CADM2: variants seen among roughly 807,000 people sequenced by gnomAD.
CADM2 encodes the protein cell adhesion molecule 2.
CADM2 carries 12 observed loss-of-function variants against 49.8 expected under a neutral mutation model. The observed-to-expected ratio is 0.24, with a 90% CI of 0.15 to 0.39. The LOEUF (loss-of-function observed/expected upper bound fraction) is 0.39, where lower values mean the gene tolerates loss of function less well. Among genes scored for constraint, CADM2 ranks in the 10% least tolerant of loss-of-function variants. The pLI is 1.00. For missense variants in CADM2, 378 were observed against 492.3 expected (o/e 0.77, Z 2.20); for synonymous variants, 214 against 175.4 (o/e 1.22, Z -1.74).
intron 1 of CADM2, among the ~76,000 whole-genome samples, chr3:84,976,775 G>A (rs1442734350): frequency 6.6e-6 from 1 of 151,768 alleles, no homozygotes; most frequent in Non-Finnish European, 1.5e-5. Context: ...AGGCAATGTA[G>A]CATAGCCACT....
chr3:85,047,196 TA>T (rs559147681), intron 1 of CADM2, among the ~76,000 whole-genome samples: 171 of 152,260 alleles, frequency 1.1e-3, no homozygotes, highest in African/African-American at 4.1e-3. Flanking sequence ...CCTTTTCCTT[TA>T]GATCTGTCAC....
At chr3:85,339,290 C>T (rs750376668) in intron 1 of CADM2, among the ~76,000 whole-genome samples, 2 of 151,330 alleles carry the variant, frequency 1.3e-5, no homozygotes. Context: ...ATAAAAGTAT[C>T]ACTAAGAACC....
At chr3:85,633,247 T>C (rs1475230284) in intron 1 of CADM2, among the ~76,000 whole-genome samples, 1 of 152,126 alleles carries the variant, frequency 6.6e-6, no homozygotes, top group Admixed American at 6.6e-5. Context: ...TTGTTTGTTT[T>C]AAAGCTGGAA....
At chr3:86,005,319 C>T (rs1253054833) in intron 8 of CADM2, among the ~76,000 whole-genome samples, 1 of 152,124 alleles carries the variant, frequency 6.6e-6, no homozygotes, top group African/African-American at 2.4e-5. Context: ...TGGGAGGCCT[C>T]GGCAGGTGGA....
At chr3:85,290,272 T>C (rs1183911106) in intron 1 of CADM2, among the ~76,000 whole-genome samples, 1 of 152,174 alleles carries the variant, frequency 6.6e-6, no homozygotes, top group African/African-American at 2.4e-5. Flanking sequence ...ATCCCGCACC[T>C]GGCTCGGAGG....
chr3:85,446,259 G>T (rs1412856859), intron 1 of CADM2, among the ~76,000 whole-genome samples: 1 of 152,080 alleles, frequency 6.6e-6, no homozygotes, highest in African/African-American at 2.4e-5. Flanking sequence ...CAAAATAAAG[G>T]TGTAATCTGA....
At chr3:85,417,580 A>C (rs1405571983) in intron 1 of CADM2, among the ~76,000 whole-genome samples, 1 of 152,192 alleles carries the variant, frequency 6.6e-6, no homozygotes, top group Non-Finnish European at 1.5e-5. Flanking sequence ...ACTTTTATCC[A>C]TCTATCACAT....
chr3:85,501,346 A>G (rs1210549624), intron 1 of CADM2, among the ~76,000 whole-genome samples: 1 of 152,216 alleles, frequency 6.6e-6, no homozygotes, highest in Non-Finnish European at 1.5e-5. Flanking sequence ...GATTTTGTGT[A>G]AATGCCTACC....
chr3:85,149,527 C>T (rs1575983361), intron 1 of CADM2, among the ~76,000 whole-genome samples: 1 of 152,036 alleles, frequency 6.6e-6, no homozygotes, highest in Non-Finnish European at 1.5e-5. Flanking sequence ...GAGATCGAGA[C>T]CATCCTGGCT....
intron 1 of CADM2, among the ~76,000 whole-genome samples, chr3:85,498,971 T>G (rs1243759548): frequency 6.6e-6 from 1 of 152,174 alleles, no homozygotes; most frequent in East Asian, 1.9e-4. Context: ...ATGTTTTCCA[T>G]GTTAAAAACC....
chr3:85,682,040 T>C (rs1645852695), intron 1 of CADM2, among the ~76,000 whole-genome samples: 2 of 152,112 alleles, frequency 1.3e-5, no homozygotes, highest in Non-Finnish European at 2.9e-5. Flanking sequence ...GTTTGCTTTT[T>C]TCACAGCTTC....
intron 1 of CADM2, among the ~76,000 whole-genome samples, chr3:85,470,265 G>A (rs1252688196): frequency 6.6e-6 from 1 of 152,118 alleles, no homozygotes; most frequent in East Asian, 1.9e-4. Context: ...TGCATCTTAA[G>A]GTGGTGATGC....
intron 8 of CADM2, among the ~76,000 whole-genome samples, chr3:85,988,778 C>T (rs1728422588): frequency 6.6e-6 from 1 of 152,106 alleles, no homozygotes; most frequent in Non-Finnish European, 1.5e-5. Flanking sequence ...TTTAGGTCCA[C>T]TTATTTTTCA....
chr3:86,017,571 CT>C lies in CADM2; in HGVS notation c.971-48033del, dbSNP rs1577962747. 3.3e-5 allele frequency among the ~76,000 whole-genome samples: 5 copies of C among 151,674 alleles called. No homozygotes were observed. The East Asian group carries it at 9.7e-4, about 29-fold the overall frequency. ...TTGAGGAATCCCGCCTCTACAAAAA[CT>C]GCAAAAATTAGCCGGGCACAGTAGC... On this transcript the variant is annotated intron_variant, in intron 8 of 9. Coordinates refer to ENST00000383699, the MANE Select transcript of CADM2 (RefSeq NM_001167675.2).
chr3:86,001,073 G>T (rs1160517903), intron 8 of CADM2, among the ~76,000 whole-genome samples: 1 of 152,094 alleles, frequency 6.6e-6, no homozygotes, highest in Non-Finnish European at 1.5e-5. Context: ...ATATTAGCAT[G>T]CAAAATTCAC....
At chr3:85,354,830 A>G (rs546813753) in intron 1 of CADM2, among the ~76,000 whole-genome samples, 1 of 152,198 alleles carries the variant, frequency 6.6e-6, no homozygotes, top group East Asian at 1.9e-4. Context: ...CGAGGGGGTT[A>G]TGAAAGGAAC....
intron 8 of CADM2, among the ~76,000 whole-genome samples, chr3:86,053,279 G>T (rs1324984474): frequency 1.3e-5 from 2 of 152,054 alleles, no homozygotes; most frequent in Non-Finnish European, 2.9e-5. Flanking sequence ...GATTTTCCTT[G>T]TAAGTCAAAC....
intron 1 of CADM2, among the ~76,000 whole-genome samples, chr3:85,578,572 A>G (rs2062709437): frequency 1.3e-5 from 2 of 152,210 alleles, no homozygotes; most frequent in Non-Finnish European, 2.9e-5. Context: ...TGAAACCATA[A>G]TTTATTCGTC....
chr3:85,881,803 A>G (rs1408239602), intron 3 of CADM2, among the ~76,000 whole-genome samples: 1 of 152,094 alleles, frequency 6.6e-6, no homozygotes, highest in Non-Finnish European at 1.5e-5. Flanking sequence ...CAATTTTTCC[A>G]TGGATGGTGG....
Sources: allele counts gnomAD v4.1 joint callset (sites outside exome capture counted in the v4.1 genomes callset), GRCh38; gene constraint gnomAD v4.1.1; transcripts MANE v1.5; gene names NCBI Gene and HGNC (gene_info 2026-07-23, HGNC 2026-07-21).